The following BICC1 variants were observed in gnomAD, a reference collection of about 807,000 sequenced individuals.
BICC1 encodes the protein BicC family RNA binding protein 1.
In BICC1, 43 loss-of-function variants were observed where a neutral mutation model predicts 111.0. The observed-to-expected ratio is 0.39, with a 90% CI of 0.30 to 0.50. The LOEUF (loss-of-function observed/expected upper bound fraction) is 0.50. Ranked by LOEUF, BICC1 falls within the 20% of genes least tolerant of loss-of-function variation. The probability of loss-of-function intolerance (pLI) is 0.88; values close to 1 mark genes in which losing one functional copy is unlikely to be tolerated. For synonymous variants in BICC1, 467 were observed against 434.4 expected, an observed-to-expected ratio of 1.07 and a Z score of -0.93; for missense variants, 1,091 against 1,203.2, an observed-to-expected ratio of 0.91 and a Z score of 1.38.
At chr10:58,786,894 T>A in intron 4 of BICC1, 29 bp from the exon 5 acceptor site, 1 of 1,506,660 alleles carries the variant, frequency 6.6e-7, no homozygotes, top group Non-Finnish European at 8.8e-7. Context: ...TTTGCATACA[T>A]CAAGTAATAA....
intron 1 of BICC1, among the ~76,000 whole-genome samples, chr10:58,522,685 G>C (rs970398009): frequency 3.3e-5 from 5 of 151,964 alleles, no homozygotes. Flanking sequence ...CTAGCAGAAG[G>C]CAAGAAATAG....
At chr10:58,546,915 C>T (rs1843153143) in intron 1 of BICC1, among the ~76,000 whole-genome samples, 1 of 152,124 alleles carries the variant, frequency 6.6e-6, no homozygotes, top group Admixed American at 6.6e-5. Flanking sequence ...ATCAGACTTT[C>T]AGATGTGCTT....
intron 10 of BICC1, 124 bp from the exon 11 acceptor site, chr10:58,798,275 C>A: frequency 1.4e-6 from 1 of 740,320 alleles, no homozygotes; most frequent in Non-Finnish European, 2.0e-6. Flanking sequence ...ATCTGTCATC[C>A]ATATTTTATA....
intron 1 of BICC1, among the ~76,000 whole-genome samples, chr10:58,584,657 C>G (rs1475030826): frequency 6.6e-6 from 1 of 152,094 alleles, no homozygotes; most frequent in Non-Finnish European, 1.5e-5. Flanking sequence ...ATTTGTTTCT[C>G]AGTGGAGTGT....
intron 3 of BICC1, among the ~76,000 whole-genome samples, chr10:58,746,928 A>G (rs989301298): frequency 1.3e-5 from 2 of 152,174 alleles, no homozygotes; most frequent in Non-Finnish European, 2.9e-5. Flanking sequence ...TTCTGGCAAC[A>G]GAGTAGTACT....
intron 1 of BICC1, among the ~76,000 whole-genome samples, chr10:58,614,449 C>T (rs1564513948): frequency 6.6e-6 from 1 of 152,200 alleles, no homozygotes; most frequent in Non-Finnish European, 1.5e-5. Context: ...TTCTTGCACA[C>T]AAACACTTGG....
At chr10:58,801,479 C>T (rs1351161199) in intron 14 of BICC1, among the ~76,000 whole-genome samples, 6 of 152,166 alleles carry the variant, frequency 3.9e-5, no homozygotes, top group Admixed American at 3.9e-4. Flanking sequence ...AAATGCTTGA[C>T]ATTATCATGA....
chr10:58,826,713 C>T (rs7902062), intron 20 of BICC1, among the ~76,000 whole-genome samples: 106,716 of 152,134 alleles, frequency 0.7, 37,653 homozygotes, highest in Admixed American at 0.74. Flanking sequence ...GAGTGGAGAT[C>T]GCACTACTGC....
Position 58,532,262 on chromosome 10 carries a change from T to G in BICC1, c.190+18929T>G, listed in dbSNP as rs150347636. ...CAGGACAGAGTGGAATGAGATTATA[T>G]GAGGGATCTTCAAAAAGTTTGTGGA... On this transcript the variant is annotated intron_variant, in intron 1 of 20. Coordinates refer to ENST00000373886, the MANE Select transcript of BICC1 (RefSeq NM_001080512.3). 5.2e-3 allele frequency among the ~76,000 whole-genome samples: 791 copies of G among 151,474 alleles called. 6 individuals carry two copies. The highest frequency in any genetic ancestry group is 0.018 in the African/African-American group (755 of 41,354).
intron 1 of BICC1, among the ~76,000 whole-genome samples, chr10:58,526,171 A>G (rs1842536626): frequency 6.6e-6 from 1 of 151,894 alleles, no homozygotes; most frequent in African/African-American, 2.4e-5. Flanking sequence ...CTCATGACAT[A>G]CAGATGCCCA....
In BICC1 at chr10:58,523,867, A is replaced by G. The variant is rs183310082; in HGVS notation, c.190+10534A>G. Reference sequence around the variant, plus strand: ...CAACTTCAGCAAAGTCTTAGGATACAAAATGAATGTGCAAAAATCACAAGC... The same window carrying G: ...CAACTTCAGCAAAGTCTTAGGATACGAAATGAATGTGCAAAAATCACAAGC... On this transcript the variant is annotated intron_variant, in intron 1 of 20. Coordinates refer to ENST00000373886, the MANE Select transcript of BICC1 (RefSeq NM_001080512.3). Among the ~76,000 whole-genome samples the G allele has an allele frequency of 4.9e-3, 754 of 152,352 alleles. 4 individuals are homozygous for G. Among genetic ancestry groups the G allele is most frequent in the African/African-American group, 0.017 (714 of 41,576 alleles).
chr10:58,592,239 A>G (rs1011786763), intron 1 of BICC1, among the ~76,000 whole-genome samples: 1 of 152,200 alleles, frequency 6.6e-6, no homozygotes, highest in African/African-American at 2.4e-5. Context: ...ACTTTTGGCT[A>G]AAGTTAGGAT....
At chr10:58,534,438 A>G (rs1564475343) in intron 1 of BICC1, among the ~76,000 whole-genome samples, 1 of 151,794 alleles carries the variant, frequency 6.6e-6, no homozygotes. Flanking sequence ...TACAACGAGC[A>G]TCTGAGAAAA....
intron 2 of BICC1, among the ~76,000 whole-genome samples, chr10:58,681,545 CT>C (rs1839520799): frequency 6.6e-6 from 1 of 152,156 alleles, no homozygotes; most frequent in Non-Finnish European, 1.5e-5. Flanking sequence ...TGGTTCTATA[CT>C]GTTGGTGGGA....
chr10:58,774,069 T>C (rs575696290), intron 3 of BICC1, among the ~76,000 whole-genome samples: 31 of 152,328 alleles, frequency 2.0e-4, no homozygotes, highest in African/African-American at 7.0e-4. Context: ...CATAAACATA[T>C]GGCCTTCACT....
chr10:58,764,626 C>T (rs1842407007), intron 3 of BICC1, among the ~76,000 whole-genome samples: 2 of 128,208 alleles, frequency 1.6e-5, no homozygotes, highest in South Asian at 2.8e-4. Flanking sequence ...CACTAATTTC[C>T]TTCTTTTTTT....
At chr10:58,629,609 T>C (rs114673595) in intron 2 of BICC1, among the ~76,000 whole-genome samples, 216 of 152,326 alleles carry the variant, frequency 1.4e-3, no homozygotes, top group African/African-American at 5.0e-3. Flanking sequence ...TAGTACTTTG[T>C]ATTTTGTTTA....
chr10:58,683,555 G>A (rs1210326556), intron 2 of BICC1, among the ~76,000 whole-genome samples: 7 of 151,948 alleles, frequency 4.6e-5, no homozygotes, highest in African/African-American at 9.7e-5. Context: ...CTTTTATTTC[G>A]TTGAGCAGTG....
chr10:58,698,051 TA>T (rs1037026750), intron 2 of BICC1, among the ~76,000 whole-genome samples: 1 of 152,200 alleles, frequency 6.6e-6, no homozygotes, highest in Non-Finnish European at 1.5e-5. Context: ...ATGATGGTTT[TA>T]AAAGCTTCAT....
Sources: allele counts gnomAD v4.1 joint callset (sites outside exome capture counted in the v4.1 genomes callset), GRCh38; gene constraint gnomAD v4.1.1; transcripts MANE v1.5; gene names NCBI Gene and HGNC (gene_info 2026-07-23, HGNC 2026-07-21).